The following ENPP6 variants were observed in gnomAD, a reference collection of about 807,000 sequenced individuals.
ENPP6 encodes the protein glycerophosphocholine cholinephosphodiesterase ENPP6.
In ENPP6, 32 loss-of-function variants were observed where a neutral mutation model predicts 42.0. The observed-to-expected ratio is 0.76, with a 90% confidence interval of 0.58 to 1.02. The LOEUF (loss-of-function observed/expected upper bound fraction) is 1.02, where lower values mean the gene tolerates loss of function less well. Ranked by LOEUF, ENPP6 falls within the 50% of genes least tolerant of loss-of-function variation. The pLI, the probability that ENPP6 is intolerant of heterozygous loss-of-function variation, is 0.00. For missense variants in ENPP6, 552 were observed against 566.8 expected (o/e 0.97, Z 0.27); for synonymous variants, 213 against 216.0 (o/e 0.99, Z 0.12).
At chr4:184,137,037 G>A (rs1351835899) in intron 2 of ENPP6, among the ~76,000 whole-genome samples, 1 of 152,046 alleles carries the variant, frequency 6.6e-6, no homozygotes, top group Non-Finnish European at 1.5e-5. Flanking sequence ...AGTTCCCTTT[G>A]TAAAAAAGAT....
chr4:184,091,121 CT>C lies in ENPP6; in HGVS notation c.*55del. 1.4e-6 allele frequency: 2 copies of C among 1,475,064 alleles called. No homozygotes were observed. 91.4% of individuals were successfully genotyped at this position (1,475,064 alleles called of 1,614,324 possible). A position where few individuals can be genotyped will look rare whatever the true frequency, so the allele number is the denominator to read the frequency against. Reference sequence around the variant, plus strand: ...CACACATAAAATGAAAATCATCTGGCTTTGGAGGCCCACTTTGCTGATGGTG... The same window carrying C: ...CACACATAAAATGAAAATCATCTGGCTTGGAGGCCCACTTTGCTGATGGTG... On this transcript the variant is annotated 3_prime_UTR_variant, in exon 8 of 8. Transcript: ENST00000296741.
At position 184,156,482 on chromosome 4, in the gene ENPP6, A is replaced by G. The variant is rs372164411; in HGVS notation, c.242-2749T>C. ...TCATCTCCATATTCCTGCCTGACCCATATCTATTTTTATACAACTGCAGTT... is the reference window on the plus strand; with the variant it reads ...TCATCTCCATATTCCTGCCTGACCCGTATCTATTTTTATACAACTGCAGTT... On this transcript the variant is annotated intron_variant, in intron 1 of 7. Coordinates refer to ENST00000296741, the MANE Select transcript of ENPP6 (RefSeq NM_153343.4). Among the ~76,000 whole-genome samples, 3 of 152,116 alleles carry G rather than the reference A, an allele frequency of 2.0e-5. 1 individual carries two copies. The East Asian group carries it at 5.8e-4, about 29-fold the overall frequency.
At position 184,189,065 on chromosome 4, in the gene ENPP6, T is replaced by C. The variant is rs567749154; in HGVS notation, c.241+28514A>G. Among the ~76,000 whole-genome samples the C allele has an allele frequency of 5.9e-5, 9 of 152,344 alleles. No homozygotes were observed. In the East Asian group the frequency reaches 1.7e-3, roughly 29 times the overall value. On this transcript the variant is annotated intron_variant, in intron 1 of 7. Transcript: ENST00000296741. The stretch of plus-strand genomic sequence containing the variant: ...CTGTCAAGTGCTTTGGGGCTGCAGC[T>C]TGGAGCCGAGTGGCTCTGCACACTA...
At chr4:184,201,869 T>C (rs912452036) in intron 1 of ENPP6, among the ~76,000 whole-genome samples, 1 of 152,100 alleles carries the variant, frequency 6.6e-6, no homozygotes. Flanking sequence ...GAGAGTATAG[T>C]TTAAGTGGAA....
chr4:184,209,406 T>C (rs1160472559), intron 1 of ENPP6, among the ~76,000 whole-genome samples: 1 of 151,216 alleles, frequency 6.6e-6, no homozygotes, highest in Non-Finnish European at 1.5e-5. Context: ...CTGATGGAGC[T>C]GAAAACCAAG....
intron 1 of ENPP6, among the ~76,000 whole-genome samples, chr4:184,208,335 A>T (rs553685603): frequency 3.3e-5 from 5 of 152,274 alleles, no homozygotes; most frequent in African/African-American, 1.2e-4. Context: ...TACTGGGTTC[A>T]TCTCACTAGG....
chr4:184,154,755 C>T (rs1473822321), intron 1 of ENPP6, among the ~76,000 whole-genome samples: 1 of 152,020 alleles, frequency 6.6e-6, no homozygotes, highest in East Asian at 1.9e-4. Flanking sequence ...GAGATCCCAG[C>T]AAAAATGGTT....
chr4:184,162,550 A>AGGAG (rs775695641), intron 1 of ENPP6, among the ~76,000 whole-genome samples: 2 of 74,646 alleles, frequency 2.7e-5, no homozygotes, highest in South Asian at 8.7e-4. Context: ...GGAGGGAAGA[A>AGGAG]GGAAGGAAAG....
At chr4:184,174,761 T>G (rs547404347) in intron 1 of ENPP6, among the ~76,000 whole-genome samples, 8 of 152,368 alleles carry the variant, frequency 5.3e-5, no homozygotes, top group African/African-American at 1.7e-4. Context: ...TCAGAGACGT[T>G]GCACGATTTA....
chr4:184,096,868 C>T (rs1366064461), intron 7 of ENPP6, among the ~76,000 whole-genome samples: 2 of 152,046 alleles, frequency 1.3e-5, no homozygotes, highest in Admixed American at 6.6e-5. Context: ...GAGAAGCGAT[C>T]GCATCAACAG....
At chr4:184,132,774 CATATATACATATATACACACAT>C (rs1225625906) in intron 2 of ENPP6, among the ~76,000 whole-genome samples, 1 of 150,406 alleles carries the variant, frequency 6.6e-6, no homozygotes, top group Non-Finnish European at 1.5e-5. Context: ...TATAGATACA[CATATATACATATATACACACAT>C]ATATATACAT....
At chr4:184,156,987 C>T (rs886668197) in intron 1 of ENPP6, among the ~76,000 whole-genome samples, 1 of 152,328 alleles carries the variant, frequency 6.6e-6, no homozygotes, top group Non-Finnish European at 1.5e-5. Flanking sequence ...TTCTCTTTGA[C>T]TTCTGAGTCC....
chr4:184,131,177 C>CTT (rs1475393181), intron 2 of ENPP6, among the ~76,000 whole-genome samples: 1 of 60,634 alleles, frequency 1.6e-5, no homozygotes, highest in African/African-American at 7.5e-5. Context: ...TTCTTTCTTT[C>CTT]TTTCTTTCTT....
chr4:184,165,088 G>A (rs1362958747), intron 1 of ENPP6, among the ~76,000 whole-genome samples: 1 of 152,194 alleles, frequency 6.6e-6, no homozygotes, highest in East Asian at 1.9e-4. Context: ...AAGGTCTTGG[G>A]GCTGAGCCCA....
At chr4:184,099,497 C>T (rs1275830720) in intron 6 of ENPP6, among the ~76,000 whole-genome samples, 2 of 152,186 alleles carry the variant, frequency 1.3e-5, no homozygotes, top group East Asian at 1.9e-4. Context: ...TAGGTGGCAA[C>T]GGTCTGGTCC....
chr4:184,137,311 G>T (rs1736744586), intron 2 of ENPP6, among the ~76,000 whole-genome samples: 2 of 152,126 alleles, frequency 1.3e-5, no homozygotes, highest in African/African-American at 4.8e-5. Context: ...TGGCCAGATT[G>T]GTCTCGAACA....
chr4:184,144,344 C>T (rs1736882299), intron 2 of ENPP6, among the ~76,000 whole-genome samples: 1 of 152,170 alleles, frequency 6.6e-6, no homozygotes, highest in South Asian at 2.1e-4. Context: ...CAGCAGGAGC[C>T]CCAGCAGTGC....
At chr4:184,150,716 C>T (rs1311508096) in intron 2 of ENPP6, among the ~76,000 whole-genome samples, 2 of 152,236 alleles carry the variant, frequency 1.3e-5, no homozygotes, top group Non-Finnish European at 2.9e-5. Flanking sequence ...TTTAGAAGGA[C>T]TAGACAGTGT....
chr4:184,099,922 C>G (rs1387097009), intron 6 of ENPP6, among the ~76,000 whole-genome samples: 1 of 152,246 alleles, frequency 6.6e-6, no homozygotes, highest in Non-Finnish European at 1.5e-5. Flanking sequence ...TTGCTATTAA[C>G]AACCTCACCA....
Sources: gnomAD v4.1 joint callset for allele counts (sites outside exome capture counted in the v4.1 genomes callset) on GRCh38, gnomAD v4.1.1 for gene constraint, MANE v1.5 for transcripts, NCBI Gene and HGNC (gene_info 2026-07-23, HGNC 2026-07-21) for gene names.